The following PALM2AKAP2 variants were observed in gnomAD, a reference collection of about 807,000 sequenced individuals.
The protein encoded by PALM2AKAP2 is PALM2 and AKAP2 fusion, also known as PALM2-AKAP2 fusion protein.
In PALM2AKAP2, 37 loss-of-function variants were observed where a neutral mutation model predicts 71.5. The ratio of observed to expected loss-of-function variants is 0.52; its 90% confidence interval spans 0.40 to 0.68. The LOEUF is 0.68. PALM2AKAP2 is among the 30% of genes least tolerant of loss of function. The pLI is 0.00. For missense variants in PALM2AKAP2, 1,224 were observed against 1,191.8 expected (o/e 1.03, Z -0.40); for synonymous variants, 468 against 478.8 (o/e 0.98, Z 0.29).
chr9:109,961,764 T>A (rs1469530068), intron 6 of PALM2AKAP2, among the ~76,000 whole-genome samples: 1 of 152,226 alleles, frequency 6.6e-6, no homozygotes, highest in African/African-American at 2.4e-5. Context: ...CGCAAACTGT[T>A]CTGAAGGATC....
At chr9:109,991,322 A>G (rs1307536268) in intron 6 of PALM2AKAP2, among the ~76,000 whole-genome samples, 1 of 151,314 alleles carries the variant, frequency 6.6e-6, no homozygotes, top group Admixed American at 6.6e-5. Context: ...CTGCAGCCTC[A>G]ACTTCTTGGG....
intron 1 of PALM2AKAP2, among the ~76,000 whole-genome samples, chr9:109,751,872 T>G (rs1482319921): frequency 6.6e-6 from 1 of 152,228 alleles, no homozygotes; most frequent in African/African-American, 2.4e-5. Flanking sequence ...ATGGGGAGAA[T>G]AGCTATTCCC....
intron 1 of PALM2AKAP2, among the ~76,000 whole-genome samples, chr9:109,803,657 G>A (rs902872678): frequency 4.6e-5 from 7 of 152,196 alleles, no homozygotes; most frequent in African/African-American, 1.7e-4. Flanking sequence ...GGCTCTTGAG[G>A]GAACCAGCTG....
intron 3 of PALM2AKAP2, among the ~76,000 whole-genome samples, chr9:109,896,542 G>C (rs767047941): frequency 5.9e-5 from 9 of 152,180 alleles, no homozygotes; most frequent in Non-Finnish European, 1.3e-4. Flanking sequence ...CAGGCATAGT[G>C]GCTCATGCCT....
At chr9:109,643,649 C>T (rs1157631479) in intron 1 of PALM2AKAP2, among the ~76,000 whole-genome samples, 1 of 152,188 alleles carries the variant, frequency 6.6e-6, no homozygotes, top group Non-Finnish European at 1.5e-5. Flanking sequence ...CTCAATTAGC[C>T]TCCTTCTCCC....
At chr9:110,108,867 G>A (rs1297741972) in intron 1 of PALM2AKAP2, among the ~76,000 whole-genome samples, 2 of 152,150 alleles carry the variant, frequency 1.3e-5, no homozygotes, top group African/African-American at 4.8e-5. Context: ...GTAGGGGGAA[G>A]TAAAGGATTG....
At chr9:110,092,242 G>T (rs1456405095) in intron 1 of PALM2AKAP2, among the ~76,000 whole-genome samples, 2 of 152,174 alleles carry the variant, frequency 1.3e-5, no homozygotes, top group East Asian at 3.9e-4. Flanking sequence ...TGAGGCAGGA[G>T]AATTACATGA....
rs201348612 is a variant in PALM2AKAP2, at chr9:109,667,627, T to TA, written c.5+26769dup. Among the ~76,000 whole-genome samples, 740 of 151,706 alleles carry TA rather than the reference T, an allele frequency of 4.9e-3. 9 individuals carry two copies. The highest frequency in any genetic ancestry group is 0.017 in the African/African-American group (703 of 41,362). ...CAACATGGTGAAACCCCATCTCTAC[T>TA]AAAAAAAATACAAAAATAAGCTGGG... On this transcript the variant is annotated intron_variant, in intron 1 of 6. Coordinates refer to the PALM2AKAP2 transcript ENST00000374531.
At chr9:109,797,398 G>A (rs1827291511) in intron 1 of PALM2AKAP2, among the ~76,000 whole-genome samples, 1 of 152,164 alleles carries the variant, frequency 6.6e-6, no homozygotes, top group Non-Finnish European at 1.5e-5. Context: ...CTTGGACTGT[G>A]TTTGAGATCA....
chr9:109,871,286 T>A (rs1346705578), intron 2 of PALM2AKAP2, among the ~76,000 whole-genome samples: 2 of 152,298 alleles, frequency 1.3e-5, no homozygotes, highest in East Asian at 3.9e-4. Context: ...AGTAAAAGAC[T>A]AAAGTATAAA....
chr9:110,035,676 A>G, intron 7 of PALM2AKAP2, among the ~76,000 whole-genome samples: 1 of 120,338 alleles, frequency 8.3e-6, no homozygotes, highest in East Asian at 2.4e-4. Context: ...GTTGTGTGTT[A>G]TATATAACAT....
chr9:109,865,218 CCT>C (rs1461062034), intron 1 of PALM2AKAP2, among the ~76,000 whole-genome samples: 1 of 150,196 alleles, frequency 6.7e-6, no homozygotes, highest in Non-Finnish European at 1.5e-5. Flanking sequence ...CCTGCCTTAG[CCT>C]CCCAAGTATC....
chr9:109,728,213 T>C (rs1164456573), intron 1 of PALM2AKAP2, among the ~76,000 whole-genome samples: 1 of 152,242 alleles, frequency 6.6e-6, no homozygotes, highest in Non-Finnish European at 1.5e-5. Context: ...TATTAGGGAA[T>C]TGTGTTATGA....
intron 3 of PALM2AKAP2, among the ~76,000 whole-genome samples, 167 bp from the exon 10 acceptor site, chr9:110,161,927 A>T (rs1295796608): frequency 6.6e-6 from 1 of 151,914 alleles, no homozygotes; most frequent in African/African-American, 2.4e-5. Flanking sequence ...TAGACTTATA[A>T]ATAAACTAAT....
chr9:109,908,568 C>T (rs1416612942), intron 3 of PALM2AKAP2, among the ~76,000 whole-genome samples: 2 of 152,214 alleles, frequency 1.3e-5, no homozygotes, highest in Non-Finnish European at 1.5e-5. Flanking sequence ...AACCATTTAG[C>T]ATATCATCTG....
chr9:110,133,876 A>G (rs1037462123), intron 1 of PALM2AKAP2, among the ~76,000 whole-genome samples: 3 of 152,196 alleles, frequency 2.0e-5, no homozygotes, highest in Non-Finnish European at 4.4e-5. Flanking sequence ...GCCTAGGTTT[A>G]CTTGAAATTG....
At chr9:109,823,506 G>A (rs2131501801) in intron 1 of PALM2AKAP2, among the ~76,000 whole-genome samples, 1 of 152,258 alleles carries the variant, frequency 6.6e-6, no homozygotes, top group East Asian at 1.9e-4. Context: ...TTATTTAAAG[G>A]ACCACTTTAT....
intron 2 of PALM2AKAP2, among the ~76,000 whole-genome samples, chr9:109,873,637 G>A (rs996749229): frequency 1.4e-4 from 21 of 152,182 alleles, no homozygotes; most frequent in Non-Finnish European, 2.5e-4. Context: ...TATTTTTATA[G>A]TGAGGGTAAG....
At chr9:109,809,670 G>A (rs1383333653) in intron 1 of PALM2AKAP2, among the ~76,000 whole-genome samples, 2 of 152,202 alleles carry the variant, frequency 1.3e-5, no homozygotes, top group Non-Finnish European at 2.9e-5. Context: ...GCTTTGACAT[G>A]TGAGGACCTG....
Sources: allele counts gnomAD v4.1 joint callset (sites outside exome capture counted in the v4.1 genomes callset), GRCh38; gene constraint gnomAD v4.1.1; transcripts MANE v1.5; gene names NCBI Gene and HGNC (gene_info 2026-07-23, HGNC 2026-07-21).